The following RHBDD1 variants were observed in gnomAD, a reference collection of about 807,000 sequenced individuals.
RHBDD1 encodes the protein rhomboid-related protein 4.
Under a neutral mutation model 36.3 loss-of-function variants are expected in RHBDD1, and 38 were observed. That is an observed-to-expected ratio of 1.05 (90% CI 0.81 to 1.37). The LOEUF is 1.37. Ranked by LOEUF, RHBDD1 falls within the 40% of genes most tolerant of loss-of-function variation. The pLI is 0.00. For synonymous variants in RHBDD1, 151 were observed against 136.5 expected (o/e 1.11, Z -0.74); for missense variants, 393 against 377.6 (o/e 1.04, Z -0.34).
At chr2:226,858,097 T>C (rs970252438) in intron 3 of RHBDD1, among the ~76,000 whole-genome samples, 2 of 152,168 alleles carry the variant, frequency 1.3e-5, no homozygotes, top group Non-Finnish European at 1.5e-5. Context: ...AGGTTAAGCA[T>C]CTGGAAGGTC....
At chr2:226,814,000 T>C in the RHBDD1 span, among the ~76,000 whole-genome samples, 1 of 152,376 alleles carries the variant, frequency 6.6e-6, no homozygotes, top group East Asian at 1.9e-4. Context: ...ATATACTTTC[T>C]ATTTATTTCT....
At chr2:226,938,280 G>A (rs1354148108) in intron 8 of RHBDD1, among the ~76,000 whole-genome samples, 11 of 151,858 alleles carry the variant, frequency 7.2e-5, no homozygotes, top group Admixed American at 7.2e-4. Flanking sequence ...ACTTTTTAAT[G>A]GGGTTGTTTT....
intron 8 of RHBDD1, among the ~76,000 whole-genome samples, chr2:226,921,366 T>A (rs1949301660): frequency 6.6e-6 from 1 of 152,132 alleles, no homozygotes; most frequent in South Asian, 2.1e-4. Flanking sequence ...TTACTTCTTT[T>A]CTTCTACTAT....
intron 8 of RHBDD1, among the ~76,000 whole-genome samples, chr2:226,952,587 CCTGA>C (rs1417476502): frequency 6.6e-6 from 1 of 152,118 alleles, no homozygotes; most frequent in Non-Finnish European, 1.5e-5. Context: ...CCATTCCCGG[CCTGA>C]CTTCTTTTTT....
At chr2:226,908,996 G>C (rs1948298899) in intron 7 of RHBDD1, 118 bp downstream of exon 7, 1 of 671,744 alleles carries the variant, frequency 1.5e-6, no homozygotes, top group Admixed American at 2.4e-5. Context: ...TTCACATGTT[G>C]TGTAACTGTG....
intron 6 of RHBDD1, 95 bp from the exon 7 acceptor site, chr2:226,908,727 C>T: frequency 1.2e-6 from 1 of 840,614 alleles, no homozygotes. Flanking sequence ...TTGAAATGAC[C>T]TTGGGCTTTG....
chr2:226,815,713 GA>G, the RHBDD1 span, among the ~76,000 whole-genome samples: 283 of 148,896 alleles, frequency 1.9e-3, no homozygotes, highest in East Asian at 8.0e-3. Context: ...GTACTCTGGA[GA>G]AAAAAAAAAT....
At chr2:226,853,660 T>G (rs960811639) in intron 3 of RHBDD1, among the ~76,000 whole-genome samples, 2 of 152,242 alleles carry the variant, frequency 1.3e-5, no homozygotes, top group Non-Finnish European at 2.9e-5. Context: ...CCAAAACTAC[T>G]GGAAGGACTT....
Position 226,914,295 on chromosome 2 carries a change from G to T in RHBDD1, c.800G>T (p.Gly267Val). The T allele has an allele frequency of 6.2e-7, 1 of 1,613,796 alleles. No individual in the cohort carries two copies. The highest frequency in any genetic ancestry group is 8.5e-7 in the Non-Finnish European group (1 of 1,179,840). ...AGGAACTATGACACGTACACAGCAG[G>T]ACTGAGTGAAGAAGAACAGCTCGAG... is the stretch of plus-strand genomic sequence containing the variant. The part of the protein sequence containing the change: ...APRNYDTYTA[G>V]LSEEEQLERA... Residue 267 changes from glycine to valine, a missense_variant, in exon 8 of 9, where the codon GGA becomes GTA. By Grantham distance (109) the Gly-to-Val change is moderately radical. Coordinates refer to ENST00000392062, the MANE Select transcript of RHBDD1 (RefSeq NM_001167608.3).
At chr2:226,990,292 A>G (rs190467509) in intron 8 of RHBDD1, among the ~76,000 whole-genome samples, 1 of 152,288 alleles carries the variant, frequency 6.6e-6, no homozygotes, top group East Asian at 1.9e-4. Flanking sequence ...GAATGCTAAT[A>G]AAGTAACATT....
At chr2:226,931,535 T>C (rs953923571) in intron 8 of RHBDD1, among the ~76,000 whole-genome samples, 1 of 152,040 alleles carries the variant, frequency 6.6e-6, no homozygotes, top group African/African-American at 2.4e-5. Context: ...AGCCTACATA[T>C]TGGATACAAT....
At chr2:226,854,082 A>G (rs573138877) in intron 3 of RHBDD1, among the ~76,000 whole-genome samples, 46 of 152,354 alleles carry the variant, frequency 3.0e-4, no homozygotes, top group African/African-American at 1.0e-3. Context: ...GTATGTAAAT[A>G]TTATAAGACC....
chr2:226,904,137 C>T (rs1463752569), intron 5 of RHBDD1, among the ~76,000 whole-genome samples: 1 of 152,198 alleles, frequency 6.6e-6, no homozygotes, highest in African/African-American at 2.4e-5. Flanking sequence ...TTCACACTGG[C>T]CCTCTGCCTT....
chr2:226,969,332 A>G (rs1402155214), intron 8 of RHBDD1, among the ~76,000 whole-genome samples: 1 of 151,116 alleles, frequency 6.6e-6, no homozygotes, highest in Non-Finnish European at 1.5e-5. Context: ...CCTGTATATA[A>G]GTCTGTGCCC....
At chr2:226,826,543 CAG>C in the RHBDD1 span, among the ~76,000 whole-genome samples, 1 of 114,976 alleles carries the variant, frequency 8.7e-6, no homozygotes, top group South Asian at 2.8e-4. Context: ...TTTTTTGAGA[CAG>C]AGTCTCGCTC....
intron 8 of RHBDD1, among the ~76,000 whole-genome samples, chr2:226,980,099 ACAGT>A (rs1437143257): frequency 6.6e-6 from 1 of 152,196 alleles, no homozygotes; most frequent in Non-Finnish European, 1.5e-5. Context: ...CATTAGTGTA[ACAGT>A]CAGCACCACT....
chr2:226,857,021 G>A (rs775576229), intron 3 of RHBDD1, among the ~76,000 whole-genome samples: 1 of 152,074 alleles, frequency 6.6e-6, no homozygotes, highest in Non-Finnish European at 1.5e-5. Flanking sequence ...CAGTTTCTGT[G>A]TGGTTTCACC....
intron 8 of RHBDD1, among the ~76,000 whole-genome samples, chr2:226,926,559 T>G (rs1249501129): frequency 6.6e-6 from 1 of 152,216 alleles, no homozygotes; most frequent in Non-Finnish European, 1.5e-5. Context: ...CACTTACATT[T>G]GAGGACTTGA....
At chr2:226,944,080 A>T (rs758259333) in intron 8 of RHBDD1, among the ~76,000 whole-genome samples, 1 of 151,958 alleles carries the variant, frequency 6.6e-6, no homozygotes, top group Non-Finnish European at 1.5e-5. Context: ...GACAGGGGGA[A>T]GTGAAAGACC....
Sources: gnomAD v4.1 joint callset for allele counts (sites outside exome capture counted in the v4.1 genomes callset) on GRCh38, gnomAD v4.1.1 for gene constraint, MANE v1.5 for transcripts, NCBI Gene and HGNC (gene_info 2026-07-23, HGNC 2026-07-21) for gene names.